The following DNAH12 variants were observed in gnomAD, a reference collection of about 807,000 sequenced individuals.
The protein encoded by DNAH12 is axonemal beta dynein heavy chain 12.
DNAH12 carries 285 observed loss-of-function variants against 371.5 expected under a neutral mutation model. The ratio of observed to expected loss-of-function variants is 0.77; its 90% CI spans 0.70 to 0.85. The LOEUF is 0.85. Ranked by LOEUF, DNAH12 falls within the 40% of genes least tolerant of loss-of-function variation. The pLI is 0.00. For synonymous variants in DNAH12, 1,200 were observed against 1,213.0 expected (o/e 0.99, Z 0.22); for missense variants, 3,611 against 3,689.4 (o/e 0.98, Z 0.55).
intron 35 of DNAH12, among the ~76,000 whole-genome samples, chr3:57,424,490 G>C (rs1305417955): frequency 8.6e-6 from 1 of 116,706 alleles, no homozygotes; most frequent in African/African-American, 3.5e-5. Context: ...AAAAAAATTG[G>C]ATAGTTGCCA....
In DNAH12 at chr3:57,496,633, C is replaced by T. The variant is rs550619268; in HGVS notation, c.1335+4688G>A. On this transcript the variant is annotated intron_variant, in intron 11 of 73. Transcript: ENST00000495027. ...ACAGCAAGGATGCCCTATGTCACTGCTGCTATTCAGCACTGTACTGTAAAT... is the reference window on the plus strand; with the variant it reads ...ACAGCAAGGATGCCCTATGTCACTGTTGCTATTCAGCACTGTACTGTAAAT... 1.8e-4 allele frequency among the ~76,000 whole-genome samples: 27 copies of T among 152,254 alleles called. No homozygotes were observed. In the South Asian group the frequency reaches 5.6e-3, roughly 32 times the overall value.
intron 2 of DNAH12, among the ~76,000 whole-genome samples, chr3:57,537,496 A>C (rs2069095316): frequency 6.6e-6 from 1 of 152,084 alleles, no homozygotes; most frequent in Non-Finnish European, 1.5e-5. Flanking sequence ...ACCTCACCCC[A>C]GGAACTCCCT....
At chr3:57,332,536 G>A (rs1195886430) in intron 62 of DNAH12, among the ~76,000 whole-genome samples, 1 of 152,180 alleles carries the variant, frequency 6.6e-6, no homozygotes, top group Non-Finnish European at 1.5e-5. Flanking sequence ...CTTCTTGGAG[G>A]TATGCTAGAC....
chr3:57,424,370 C>A (rs1264423408), intron 35 of DNAH12, among the ~76,000 whole-genome samples: 2 of 149,576 alleles, frequency 1.3e-5, no homozygotes, highest in Non-Finnish European at 3.0e-5. Context: ...ACTCGGGAGG[C>A]TGGGGCAGGA....
chr3:57,356,444 A>AAAATAAATAAAT (rs1174174898), intron 59 of DNAH12, among the ~76,000 whole-genome samples: 212 of 137,886 alleles, frequency 1.5e-3, no homozygotes, highest in Middle Eastern at 3.6e-3. Flanking sequence ...CCTTGTCTCA[A>AAAATAAATAAAT]AAATAAATAA....
At chr3:57,429,840 ACT>A in intron 32 of DNAH12, 66 bp from the exon 33 acceptor site, 1 of 1,342,944 alleles carries the variant, frequency 7.4e-7, no homozygotes, top group South Asian at 1.5e-5. Flanking sequence ...AAAAATTTAT[ACT>A]ATGTATAAAA....
chr3:57,413,648 T>C (rs1553683680), intron 39 of DNAH12, 98 bp downstream of exon 39: 3 of 1,299,538 alleles, frequency 2.3e-6, no homozygotes, highest in Non-Finnish European at 3.1e-6. Flanking sequence ...AACTATTCTT[T>C]TCCCTAAATA....
intron 65 of DNAH12, among the ~76,000 whole-genome samples, chr3:57,318,455 A>T (rs1338004602): frequency 6.6e-6 from 1 of 152,234 alleles, no homozygotes; most frequent in Non-Finnish European, 1.5e-5. Context: ...TTTGTCAAAG[A>T]TCAGTTGACC....
intron 73 of DNAH12, 57 bp from the exon 74 acceptor site, chr3:57,294,028 C>T (rs778836123): frequency 5.1e-4 from 675 of 1,330,110 alleles, no homozygotes; most frequent in Non-Finnish European, 6.0e-4. Context: ...GCCATTGGTA[C>T]GAAAAGAACT....
rs559437058 is a variant in DNAH12, at chr3:57,351,975, T to A, written c.9674+110A>T. ...TCAGTGAAATGCACAAGTAAAATCA[T>A]GACTTAAGCGAAGAAAAATATAGAC... On this transcript the variant is annotated intron_variant, in intron 60 of 73. Transcript: ENST00000495027. 1.2e-4 allele frequency: 137 copies of A among 1,123,734 alleles called. 1 individual carries two copies. Among genetic ancestry groups the A allele is most frequent in the Non-Finnish European group, 1.6e-4 (131 of 824,852 alleles). The allele number at this position is 1,123,734 out of a possible 1,614,324, so 69.6% of individuals were successfully genotyped here. A position where few individuals can be genotyped will look rare whatever the true frequency, so the allele number is the denominator to read the frequency against.
chr3:57,441,227 T>C (rs945910818), intron 29 of DNAH12, among the ~76,000 whole-genome samples: 1 of 152,036 alleles, frequency 6.6e-6, no homozygotes, highest in East Asian at 1.9e-4. Flanking sequence ...AAGAACCAAT[T>C]GGACACACTA....
At chr3:57,553,800 A>T in the DNAH12 span, among the ~76,000 whole-genome samples, 1 of 152,002 alleles carries the variant, frequency 6.6e-6, no homozygotes, top group Non-Finnish European at 1.5e-5. Flanking sequence ...TGTAGGCAAA[A>T]TGTCTAAATT....
rs1215261810 is a variant in DNAH12, at chr3:57,428,622, T to G, written c.5253+11A>C. 1.0e-5 allele frequency: 16 copies of G among 1,524,882 alleles called. No homozygotes were observed. Among genetic ancestry groups the G allele is most frequent in the Non-Finnish European group, 1.1e-5 (13 of 1,138,248 alleles). 94.5% of individuals were successfully genotyped at this position (1,524,882 alleles called of 1,614,324 possible). The stretch of plus-strand genomic sequence containing the variant: ...AAGAAACTTGAATAGGTCAGAGAAT[T>G]ATAGGATTACCTTGCATTTTTTCTT... On this transcript the variant is annotated intron_variant, in intron 34 of 73. Coordinates refer to ENST00000495027, the MANE Select transcript of DNAH12 (RefSeq NM_001366028.2).
At chr3:57,521,478 C>G (rs2068439567) in intron 4 of DNAH12, among the ~76,000 whole-genome samples, 1 of 151,434 alleles carries the variant, frequency 6.6e-6, no homozygotes, top group Non-Finnish European at 1.5e-5. Context: ...GTCTGGGCAG[C>G]AAAGAGAGAC....
At chr3:57,354,664 G>T (rs1386006859) in intron 59 of DNAH12, among the ~76,000 whole-genome samples, 1 of 151,886 alleles carries the variant, frequency 6.6e-6, no homozygotes, top group Non-Finnish European at 1.5e-5. Flanking sequence ...ACACGTACAT[G>T]AATGTTTATA....
At chr3:57,444,873 T>G in intron 28 of DNAH12, 57 bp from the exon 29 acceptor site, 3 of 1,512,434 alleles carry the variant, frequency 2.0e-6, no homozygotes. Context: ...GCAACCCCAC[T>G]TCTCCCTCCC....
At chr3:57,312,415 C>T (rs2061600486) in intron 66 of DNAH12, among the ~76,000 whole-genome samples, 1 of 152,166 alleles carries the variant, frequency 6.6e-6, no homozygotes, top group Non-Finnish European at 1.5e-5. Context: ...GTGGCATATG[C>T]AAGAAGTGGA....
intron 43 of DNAH12, among the ~76,000 whole-genome samples, chr3:57,395,991 A>G (rs1352462671): frequency 6.6e-6 from 1 of 151,996 alleles, no homozygotes; most frequent in Admixed American, 6.6e-5. Context: ...TAAAAATTTT[A>G]ATTTAGGCTG....
At chr3:57,523,996 T>G (rs2068544926) in intron 2 of DNAH12, 112 bp from the exon 3 acceptor site, 1 of 650,346 alleles carries the variant, frequency 1.5e-6, no homozygotes, top group Non-Finnish European at 2.3e-6. Context: ...AAGAGTTATC[T>G]TACTGAATTT....
Sources: allele counts gnomAD v4.1 joint callset (sites outside exome capture counted in the v4.1 genomes callset), GRCh38; gene constraint gnomAD v4.1.1; transcripts MANE v1.5; gene names NCBI Gene and HGNC (gene_info 2026-07-23, HGNC 2026-07-21).